SLC35A1: variants seen among roughly 807,000 people sequenced by gnomAD.
SLC35A1 encodes the protein CMP-sialic acid transporter.
A neutral mutation model predicts 40.3 loss-of-function variants in SLC35A1; 21 were observed. The observed-to-expected ratio is 0.52, with a 90% CI of 0.37 to 0.75. SLC35A1 has a LOEUF of 0.75. SLC35A1 is among the 30% of genes least tolerant of loss of function. The pLI is 0.00. For synonymous variants in SLC35A1, 146 were observed against 147.3 expected (o/e 0.99, Z 0.06); for missense variants, 297 against 382.1 (o/e 0.78, Z 1.86).
intron 2 of SLC35A1, among the ~76,000 whole-genome samples, chr6:87,496,828 G>A (rs1769747578): frequency 6.7e-6 from 1 of 148,712 alleles, no homozygotes; most frequent in Non-Finnish European, 1.5e-5. Context: ...TATAAGTTCC[G>A]GAAAATGGAA....
chr6:87,494,210 G>T (rs1216628963), intron 2 of SLC35A1, among the ~76,000 whole-genome samples: 2 of 151,930 alleles, frequency 1.3e-5, no homozygotes, highest in African/African-American at 4.8e-5. Flanking sequence ...CTGTACTGAT[G>T]GGCATTTGGG....
Position 87,511,401 on chromosome 6 carries a change from C to G in SLC35A1, c.889C>G (p.Leu297Val). 1 of 1,613,130 alleles carries G rather than the reference C, an allele frequency of 6.2e-7. No homozygotes were observed. ...GCTATTTTTTTTTTTCTTTTCAGCA[C>G]TCACCTTTGCCCTGGGTACTCTTCT... The part of the protein sequence containing the change: ...SVMLFGLQIT[L>V]TFALGTLLVC... Residue 297 changes from leucine to valine, a missense_variant and splice_region_variant, in exon 8 of 8, where the codon CTC becomes GTC. By Grantham distance (32) the Leu-to-Val change is conservative. Coordinates refer to ENST00000369552, the MANE Select transcript of SLC35A1 (RefSeq NM_006416.5).
intron 1 of SLC35A1, 39 bp from the exon 2 acceptor site, chr6:87,477,323 T>C: frequency 6.7e-7 from 1 of 1,497,814 alleles, no homozygotes; most frequent in South Asian, 1.1e-5. Context: ...ATACATATAT[T>C]GTCTACTAAG....
intron 1 of SLC35A1, among the ~76,000 whole-genome samples, 180 bp downstream of exon 1, chr6:87,473,199 C>G (rs1055634706): frequency 2.0e-4 from 30 of 152,202 alleles, no homozygotes; most frequent in Non-Finnish European, 3.2e-4. Context: ...GCCTGCCTTC[C>G]GCTGCGGCTG....
rs551709252 is a variant in SLC35A1 at position 87,475,515 on chromosome 6, T to C, written c.17-1847T>C. ...TGATTTTTTGGCTCCTCAGATCTTT[T>C]GGAAAGAAAGTTTAAGCAGTTAAAA... is the stretch of plus-strand genomic sequence containing the variant. On this transcript the variant is annotated intron_variant, in intron 1 of 7. Transcript: ENST00000369552. 5.3e-4 allele frequency among the ~76,000 whole-genome samples: 80 copies of C among 152,366 alleles called. No homozygotes were observed. In the South Asian group the frequency reaches 0.012, roughly 23 times the overall value.
chr6:87,491,186 C>T (rs545896345), intron 2 of SLC35A1, among the ~76,000 whole-genome samples: 5 of 152,256 alleles, frequency 3.3e-5, no homozygotes, highest in East Asian at 3.9e-4. Context: ...TAATTTGATA[C>T]GAGCATCCCA....
chr6:87,504,294 T>C (rs530988582), intron 4 of SLC35A1, among the ~76,000 whole-genome samples: 1 of 152,064 alleles, frequency 6.6e-6, no homozygotes, highest in East Asian at 1.9e-4. Flanking sequence ...AAAAGCTTTC[T>C]TTAATGCCTT....
At chr6:87,483,141 A>G (rs1769290888) in intron 2 of SLC35A1, among the ~76,000 whole-genome samples, 3 of 152,128 alleles carry the variant, frequency 2.0e-5, no homozygotes, top group Non-Finnish European at 4.4e-5. Flanking sequence ...AATAGGGTAC[A>G]CTGTTTTTAT....
At chr6:87,507,396 A>G (rs577553724) in intron 5 of SLC35A1, among the ~76,000 whole-genome samples, 1 of 152,184 alleles carries the variant, frequency 6.6e-6, no homozygotes, top group African/African-American at 2.4e-5. Flanking sequence ...ATTTTTTGCA[A>G]TATTTTGAAC....
Position 87,477,214 on chromosome 6 carries a change from A to T in SLC35A1, c.17-148A>T. ...GTGCACGCTCATGTAATTGGCAAAC[A>T]TTGTTTTGAAAAAAATTTTTAAGCA... On this transcript the variant is annotated intron_variant, in intron 1 of 7. Transcript: ENST00000369552. 4 of 657,326 alleles carry T rather than the reference A, an allele frequency of 6.1e-6. No homozygotes were observed. The East Asian group carries it at 8.5e-5, about 14-fold the overall frequency. The allele number at this position is 657,326 out of a possible 1,614,324, so 40.7% of individuals were successfully genotyped here.
intron 4 of SLC35A1, among the ~76,000 whole-genome samples, chr6:87,505,217 A>C (rs1770041741): frequency 1.3e-5 from 2 of 152,190 alleles, no homozygotes. Flanking sequence ...CACTTTTCTT[A>C]TATCAGGCTT....
chr6:87,511,275 G>A lies in SLC35A1; in HGVS notation c.887-124G>A, dbSNP rs1562028812. ...GTAATGGAAGACCTTTCTAAACCTTGCCATCATAAAAATATGATCTGATAG... is the reference window on the plus strand; with the variant it reads ...GTAATGGAAGACCTTTCTAAACCTTACCATCATAAAAATATGATCTGATAG... On this transcript the variant is annotated intron_variant, in intron 7 of 7. Transcript: ENST00000369552. 9 of 1,017,616 alleles carry A rather than the reference G, an allele frequency of 8.8e-6. 1 individual carries two copies. In the East Asian group the frequency reaches 1.8e-4, roughly 20 times the overall value. The allele number at this position is 1,017,616 out of a possible 1,614,324, so 63.0% of individuals were successfully genotyped here.
At chr6:87,476,382 T>C (rs1368240230) in intron 1 of SLC35A1, among the ~76,000 whole-genome samples, 1 of 152,216 alleles carries the variant, frequency 6.6e-6, no homozygotes, top group Non-Finnish European at 1.5e-5. Context: ...ATTGCTGCAG[T>C]TGGTTTCATG....
chr6:87,494,239 T>TC (rs760031368), intron 2 of SLC35A1, among the ~76,000 whole-genome samples: 5 of 152,154 alleles, frequency 3.3e-5, no homozygotes, highest in Admixed American at 6.5e-5. Context: ...AGTCTTCTAC[T>TC]CCAACACAAA....
intron 1 of SLC35A1, among the ~76,000 whole-genome samples, chr6:87,474,120 G>A (rs1382576326): frequency 2.0e-5 from 3 of 152,220 alleles, no homozygotes; most frequent in African/African-American, 4.8e-5. Context: ...AAAATGGAAT[G>A]GGGATAGCAA....
At chr6:87,481,384 T>C (rs1481207407) in intron 2 of SLC35A1, among the ~76,000 whole-genome samples, 1 of 149,808 alleles carries the variant, frequency 6.7e-6, no homozygotes, top group Non-Finnish European at 1.5e-5. Flanking sequence ...GCCATTGCAC[T>C]CTAGCCTGGG....
chr6:87,480,101 G>A (rs1053442714), intron 2 of SLC35A1, among the ~76,000 whole-genome samples: 3 of 152,172 alleles, frequency 2.0e-5, no homozygotes, highest in Admixed American at 6.5e-5. Context: ...GCAGATTGAC[G>A]GGTCACCTCT....
chr6:87,482,955 G>A (rs991695412), intron 2 of SLC35A1, among the ~76,000 whole-genome samples: 4 of 152,120 alleles, frequency 2.6e-5, no homozygotes, highest in Admixed American at 6.6e-5. Context: ...GGTCATCTGC[G>A]GGTTACTGGG....
intron 4 of SLC35A1, among the ~76,000 whole-genome samples, chr6:87,502,801 C>G (rs1427093707): frequency 6.6e-6 from 1 of 152,020 alleles, no homozygotes; most frequent in African/African-American, 2.4e-5. Context: ...ATCTTGTATC[C>G]CTCTCACCCC....
Sources: gnomAD v4.1 joint callset for allele counts (sites outside exome capture counted in the v4.1 genomes callset) on GRCh38, gnomAD v4.1.1 for gene constraint, MANE v1.5 for transcripts, NCBI Gene and HGNC (gene_info 2026-07-23, HGNC 2026-07-21) for gene names.